Variants in PTPRQ observed in about 807,000 individuals in gnomAD.
PTPRQ encodes the protein phosphatidylinositol phosphatase PTPRQ.
Under a neutral mutation model 246.0 loss-of-function variants are expected in PTPRQ, and 199 were observed. That is an observed-to-expected ratio of 0.81 (90% CI 0.72 to 0.91). PTPRQ has a LOEUF of 0.91. Ranked by LOEUF, PTPRQ falls within the 40% of genes least tolerant of loss-of-function variation. The probability of loss-of-function intolerance (pLI) is 0.00; values close to 1 mark genes in which losing one functional copy is unlikely to be tolerated. For synonymous variants in PTPRQ, 869 were observed against 853.2 expected, an observed-to-expected ratio of 1.02 and a Z score of -0.32; for missense variants, 2,624 against 2,528.4, an observed-to-expected ratio of 1.04 and a Z score of -0.81.
chr12:80,484,662 A>G, intron 9 of PTPRQ, 57 bp downstream of exon 9: 1 of 1,523,158 alleles, frequency 6.6e-7, no homozygotes, highest in Non-Finnish European at 8.8e-7. Context: ...TCTGGCTCTG[A>G]TAGCTTGGAA....
Position 80,552,645 on chromosome 12 carries a change from T to TGTATA in PTPRQ, c.4285+2911_4285+2912insGTATA, listed in dbSNP as rs1486986901. On this transcript the variant is annotated intron_variant, in intron 25 of 44. Transcript: ENST00000644991. ...TCCAGGTCTTTGTAAAAAAAAAAAA[T>TGTATA]TATATATATATATATATATATATAT... Among the ~76,000 whole-genome samples, 13 of 76,472 alleles carry TGTATA rather than the reference T, an allele frequency of 1.7e-4. No homozygotes were observed. The South Asian group carries it at 2.1e-3, about 12-fold the overall frequency. 50.2% of individuals were successfully genotyped at this position (76,472 alleles called of 152,430 possible). A position where few individuals can be genotyped will look rare whatever the true frequency, so the allele number is the denominator to read the frequency against.
intron 39 of PTPRQ, among the ~76,000 whole-genome samples, chr12:80,663,542 T>C (rs545509088): frequency 1.3e-4 from 20 of 151,992 alleles, no homozygotes; most frequent in Non-Finnish European, 2.6e-4. Flanking sequence ...ACCATTGCTC[T>C]TTTTGGAAGT....
At chr12:80,495,609 C>T (rs1894592786) in intron 12 of PTPRQ, among the ~76,000 whole-genome samples, 1 of 151,932 alleles carries the variant, frequency 6.6e-6, no homozygotes, top group Non-Finnish European at 1.5e-5. Flanking sequence ...AGATCACAAG[C>T]TTCATAGAAA....
rs151116946 is a variant in PTPRQ, at chr12:80,459,193, T to C, written c.461-91T>C. Reference sequence around the variant, plus strand: ...CAAATAGATTTTATGCAGTGTATTATATATTTAATTTCATGTACCATGAAA... The same window carrying C: ...CAAATAGATTTTATGCAGTGTATTACATATTTAATTTCATGTACCATGAAA... On this transcript the variant is annotated intron_variant, in intron 4 of 44. Transcript: ENST00000644991. The C allele has an allele frequency of 9.6e-5, 38 of 396,810 alleles. No individual in the cohort carries two copies. In the East Asian group the frequency reaches 1.3e-3, roughly 13 times the overall value. 24.6% of individuals were successfully genotyped at this position (396,810 alleles called of 1,614,324 possible). A position where few individuals can be genotyped will look rare whatever the true frequency, so the allele number is the denominator to read the frequency against.
At chr12:80,496,621 A>G in intron 14 of PTPRQ, 90 bp downstream of exon 14, 1 of 1,390,150 alleles carries the variant, frequency 7.2e-7, no homozygotes, top group Admixed American at 3.2e-5. Flanking sequence ...ATTTTACATA[A>G]CCTAAAATCC....
chr12:80,508,371 G>A (rs2120706864), intron 16 of PTPRQ, among the ~76,000 whole-genome samples: 1 of 152,122 alleles, frequency 6.6e-6, no homozygotes, highest in Admixed American at 6.6e-5. Flanking sequence ...TGGTATAAAT[G>A]TTCCCCCAAA....
At position 80,679,351 on chromosome 12, in the gene PTPRQ, C is replaced by G; in HGVS notation, c.*328C>G. On this transcript the variant is annotated 3_prime_UTR_variant, in exon 45 of 45. Transcript: ENST00000644991. ...GCATTAATGTTTCAATGTGAATTTT[C>G]CCTATGTATTGGATTTAATTTTGAG... The G allele has an allele frequency of 5.4e-6, 1 of 185,194 alleles. No individual in the cohort carries two copies. Among genetic ancestry groups the G allele is most frequent in the East Asian group, 1.3e-4 (1 of 7,518 alleles). The allele number at this position is 185,194 out of a possible 1,614,324, so 11.5% of individuals were successfully genotyped here.
intron 35 of PTPRQ, among the ~76,000 whole-genome samples, chr12:80,640,778 G>T (rs898863408): frequency 3.9e-5 from 6 of 152,022 alleles, no homozygotes; most frequent in African/African-American, 7.3e-5. Context: ...TTTACAACAT[G>T]TCCTTTATAA....
chr12:80,556,181 C>T (rs1896641256), intron 25 of PTPRQ, among the ~76,000 whole-genome samples: 1 of 152,060 alleles, frequency 6.6e-6, no homozygotes, highest in South Asian at 2.1e-4. Flanking sequence ...GCCTGTGCCA[C>T]CACACCCAGC....
At position 80,563,424 on chromosome 12, in the gene PTPRQ, G is replaced by A. The variant is rs986140344; in HGVS notation, c.4285+13690G>A. Among the ~76,000 whole-genome samples the A allele has an allele frequency of 6.6e-5, 10 of 151,838 alleles. No homozygotes were observed. The South Asian group carries it at 8.3e-4, about 13-fold the overall frequency. ...ACTCATAAGGGCCCTAATCCCACTC[G>A]TGAGGGCAGAGCCCTCATGAGCTAA... On this transcript the variant is annotated intron_variant, in intron 25 of 44. Transcript: ENST00000644991.
Position 80,678,600 on chromosome 12 carries a change from A to T in PTPRQ, c.6739-2A>T. 1 of 1,545,812 alleles carries T rather than the reference A, an allele frequency of 6.5e-7. No individual in the cohort carries two copies. Among genetic ancestry groups the T allele is most frequent in the Non-Finnish European group, 8.7e-7 (1 of 1,144,192 alleles). On this transcript the variant is annotated splice_acceptor_variant, in intron 43 of 44. Transcript: ENST00000644991. LOFTEE classifies it high-confidence loss of function. ...TTTAACCACTCTGTCTTTGGTGTCT[A>T]GGCACAGTATATCTTTTTACACCAG...
At chr12:80,636,971 T>C (rs1467014245) in intron 35 of PTPRQ, among the ~76,000 whole-genome samples, 1 of 152,058 alleles carries the variant, frequency 6.6e-6, no homozygotes, top group East Asian at 1.9e-4. Context: ...ATAAAAAAAT[T>C]AGAAAAGGTC....
At chr12:80,448,523 A>C (rs61950900) in intron 3 of PTPRQ, among the ~76,000 whole-genome samples, 68 of 131,684 alleles carry the variant, frequency 5.2e-4, no homozygotes, top group Admixed American at 8.8e-4. Context: ...ATCCCTCCCC[A>C]CTCCCCCCAC....
At chr12:80,533,888 T>C (rs1296481902) in intron 17 of PTPRQ, 127 bp from the exon 18 acceptor site, 3 of 664,312 alleles carry the variant, frequency 4.5e-6, no homozygotes, top group African/African-American at 3.8e-5. Flanking sequence ...ATAACCAACA[T>C]CTTTTTTCTA....
intron 9 of PTPRQ, among the ~76,000 whole-genome samples, chr12:80,487,278 A>G (rs1894307614): frequency 6.6e-6 from 1 of 152,066 alleles, no homozygotes; most frequent in South Asian, 2.1e-4. Flanking sequence ...GATGGGAGGG[A>G]AGATGTGACA....
chr12:80,585,504 T>C (rs936518643), intron 25 of PTPRQ, among the ~76,000 whole-genome samples: 6 of 152,152 alleles, frequency 3.9e-5, no homozygotes, highest in Admixed American at 2.0e-4. Flanking sequence ...AGAGTGATTC[T>C]GTGAAAGAGA....
chr12:80,506,014 T>C lies in PTPRQ; in HGVS notation c.2273-10T>C, dbSNP rs983890005. On this transcript the variant is annotated splice_polypyrimidine_tract_variant and intron_variant, in intron 14 of 44. Transcript: ENST00000644991. ...ATTGTTTTATGTATCTATATTTTTG[T>C]TTCTTTCAGTGCCTGATAGTGCACC... 12 of 1,532,170 alleles carry C rather than the reference T, an allele frequency of 7.8e-6. No homozygotes were observed. The highest frequency in any genetic ancestry group is 1.1e-5 in the Non-Finnish European group (12 of 1,140,886). The allele number at this position is 1,532,170 out of a possible 1,614,324, so 94.9% of individuals were successfully genotyped here. A position where few individuals can be genotyped will look rare whatever the true frequency, so the allele number is the denominator to read the frequency against.
intron 35 of PTPRQ, among the ~76,000 whole-genome samples, chr12:80,645,937 G>A (rs1736691836): frequency 6.6e-6 from 1 of 152,048 alleles, no homozygotes; most frequent in African/African-American, 2.4e-5. Flanking sequence ...AATTATTATG[G>A]TCATTGTATT....
intron 9 of PTPRQ, among the ~76,000 whole-genome samples, chr12:80,490,766 A>G (rs1262592768): frequency 7.9e-5 from 12 of 151,822 alleles, no homozygotes; most frequent in Admixed American, 7.9e-4. Context: ...GTTGCAATGG[A>G]CTTTTTTCCC....
Sources: gnomAD v4.1 joint callset for allele counts (sites outside exome capture counted in the v4.1 genomes callset) on GRCh38, gnomAD v4.1.1 for gene constraint, MANE v1.5 for transcripts, NCBI Gene and HGNC (gene_info 2026-07-23, HGNC 2026-07-21) for gene names.